PHF20: variants seen among roughly 807,000 people sequenced by gnomAD.
The protein encoded by PHF20 is PHD finger protein 20, also known as glioma-expressed antigen 2.
Under a neutral mutation model 113.5 loss-of-function variants are expected in PHF20, and 23 were observed. The observed-to-expected ratio is 0.20, with a 90% CI of 0.15 to 0.29. The LOEUF (loss-of-function observed/expected upper bound fraction) is 0.29. Ranked by LOEUF, PHF20 falls within the 10% of genes least tolerant of loss-of-function variation. The pLI, the probability that PHF20 is intolerant of heterozygous loss-of-function variation, is 1.00. For missense variants in PHF20, 943 were observed against 1,219.6 expected (o/e 0.77, Z 3.38); for synonymous variants, 434 against 457.3 (o/e 0.95, Z 0.65).
chr20:35,906,914 G>C (rs1444808888), intron 10 of PHF20, among the ~76,000 whole-genome samples: 1 of 152,128 alleles, frequency 6.6e-6, no homozygotes, highest in Non-Finnish European at 1.5e-5. Flanking sequence ...ATCTGGGTGG[G>C]ACTCATGGTA....
At chr20:35,772,137 T>TGCGC (rs1476694953) in intron 1 of PHF20, 58 bp downstream of exon 1, 1 of 149,430 alleles carries the variant, frequency 6.7e-6, no homozygotes, top group Non-Finnish European at 1.5e-5. Context: ...GGGCCCGCGC[T>TGCGC]GCGCGCGCGC....
intron 2 of PHF20, among the ~76,000 whole-genome samples, chr20:35,838,711 G>A (rs1450253023): frequency 6.6e-6 from 1 of 152,008 alleles, no homozygotes; most frequent in African/African-American, 2.4e-5. Context: ...ATTTCAAGCG[G>A]GACGTGGTGG....
Position 35,950,100 on chromosome 20 carries a change from A to G in PHF20, c.*2473A>G, listed in dbSNP as rs1025781327. ...AAGAAAGAAATATGTGCACTACCTA[A>G]GTTTTGTCTTTAGAAAAACTATCCA... is the stretch of plus-strand genomic sequence containing the variant. On this transcript the variant is annotated 3_prime_UTR_variant, in exon 18 of 18. Coordinates refer to ENST00000374012, the MANE Select transcript of PHF20 (RefSeq NM_016436.5). 6.5e-6 allele frequency: 1 copy of G among 152,756 alleles called. No individual in the cohort carries two copies. The highest frequency in any genetic ancestry group is 1.9e-4 in the East Asian group (1 of 5,190). 9.5% of individuals were successfully genotyped at this position (152,756 alleles called of 1,614,324 possible).
intron 4 of PHF20, 148 bp from the exon 5 acceptor site, chr20:35,858,154 C>T (rs1364169665): frequency 2.4e-6 from 1 of 419,966 alleles, no homozygotes. Flanking sequence ...TTATCTTGGA[C>T]ATAAGTAAGA....
At chr20:35,791,952 C>T (rs1362316769) in intron 1 of PHF20, among the ~76,000 whole-genome samples, 1 of 152,062 alleles carries the variant, frequency 6.6e-6, no homozygotes, top group Non-Finnish European at 1.5e-5. Context: ...GAGTAATATG[C>T]GAAAGGTCAT....
At chr20:35,832,426 G>A (rs2042370912) in intron 2 of PHF20, among the ~76,000 whole-genome samples, 1 of 152,184 alleles carries the variant, frequency 6.6e-6, no homozygotes, top group Non-Finnish European at 1.5e-5. Flanking sequence ...GCCTCTAGCA[G>A]TGCCTGTTGT....
intron 1 of PHF20, among the ~76,000 whole-genome samples, chr20:35,790,568 A>G (rs1389565783): frequency 6.6e-6 from 1 of 152,092 alleles, no homozygotes. Flanking sequence ...TGATATCCTC[A>G]TTTTACAGAT....
At chr20:35,772,951 G>A (rs893408912) in intron 1 of PHF20, among the ~76,000 whole-genome samples, 13 of 152,098 alleles carry the variant, frequency 8.5e-5, no homozygotes, top group South Asian at 2.1e-4. Flanking sequence ...CTGAGGTTGG[G>A]CCGAAAACAA....
In PHF20 at chr20:35,950,199, T is replaced by C. The variant is rs992146002; in HGVS notation, c.*2572T>C. The C allele has an allele frequency of 6.5e-6, 1 of 152,712 alleles. No individual in the cohort carries two copies. The highest frequency in any genetic ancestry group is 2.4e-5 in the African/African-American group (1 of 41,482). 9.5% of individuals were successfully genotyped at this position (152,712 alleles called of 1,614,324 possible). A position where few individuals can be genotyped will look rare whatever the true frequency, so the allele number is the denominator to read the frequency against. ...TTTGTTTCTTTAAGTGGTAAGTGTA[T>C]GCAAGGTGGATCCTTGATGAGCCAA... On this transcript the variant is annotated 3_prime_UTR_variant, in exon 18 of 18. Transcript: ENST00000374012.
At chr20:35,784,044 C>T (rs62211714) in intron 1 of PHF20, among the ~76,000 whole-genome samples, 2,341 of 151,266 alleles carry the variant, frequency 0.015, 29 homozygotes, top group Non-Finnish European at 0.023. Flanking sequence ...CCCGCCCTTA[C>T]GTTTGTTTGT....
At chr20:35,826,435 G>A (rs2042263151) in intron 2 of PHF20, among the ~76,000 whole-genome samples, 1 of 152,182 alleles carries the variant, frequency 6.6e-6, no homozygotes, top group East Asian at 1.9e-4. Flanking sequence ...AGAATGTGGA[G>A]TCTGAAATAA....
intron 1 of PHF20, among the ~76,000 whole-genome samples, chr20:35,789,872 T>A (rs369389646): frequency 2.7e-5 from 3 of 112,790 alleles, no homozygotes; most frequent in Non-Finnish European, 5.2e-5. Context: ...CCTTTTTTTT[T>A]ATACACAGTT....
chr20:35,820,928 A>C (rs2042157593), intron 2 of PHF20, among the ~76,000 whole-genome samples: 1 of 152,054 alleles, frequency 6.6e-6, no homozygotes, highest in Non-Finnish European at 1.5e-5. Flanking sequence ...GAGGCAGCCA[A>C]GGCAGAAGCC....
intron 1 of PHF20, among the ~76,000 whole-genome samples, chr20:35,776,794 A>G (rs945418471): frequency 6.6e-6 from 1 of 152,124 alleles, no homozygotes; most frequent in South Asian, 2.1e-4. Flanking sequence ...TTACTGTGAG[A>G]CCTCAGGCAA....
chr20:35,876,758 G>A (rs1600861813), intron 9 of PHF20, among the ~76,000 whole-genome samples: 1 of 149,980 alleles, frequency 6.7e-6, no homozygotes, highest in Non-Finnish European at 1.5e-5. Context: ...ATCACCTGAC[G>A]TCAGGAGTTA....
At position 35,925,366 on chromosome 20, in the gene PHF20, T is replaced by G. The variant is rs534636731; in HGVS notation, c.2005-2414T>G. Among the ~76,000 whole-genome samples the G allele has an allele frequency of 6.6e-5, 10 of 152,038 alleles. No individual in the cohort carries two copies. The East Asian group carries it at 1.9e-3, about 29-fold the overall frequency. Reference sequence around the variant, plus strand: ...CCTCCGCCTCCTAGGTTCAAGCAATTTTGAACCTGCTTCAGCCTCCCAAGT... The same window carrying G: ...CCTCCGCCTCCTAGGTTCAAGCAATGTTGAACCTGCTTCAGCCTCCCAAGT... On this transcript the variant is annotated intron_variant, in intron 13 of 17. Coordinates refer to ENST00000374012, the MANE Select transcript of PHF20 (RefSeq NM_016436.5).
intron 2 of PHF20, among the ~76,000 whole-genome samples, chr20:35,831,216 G>A (rs1217847200): frequency 1.3e-5 from 2 of 149,692 alleles, no homozygotes; most frequent in Admixed American, 1.3e-4. Flanking sequence ...GTGGAGTTCA[G>A]TAGTGCGATC....
intron 9 of PHF20, among the ~76,000 whole-genome samples, chr20:35,879,314 C>T (rs1325897019): frequency 6.6e-6 from 1 of 152,122 alleles, no homozygotes; most frequent in African/African-American, 2.4e-5. Flanking sequence ...ATTAAAGAAT[C>T]ACAATTGTAA....
At chr20:35,796,551 C>G (rs1380710959) in intron 1 of PHF20, among the ~76,000 whole-genome samples, 2 of 152,074 alleles carry the variant, frequency 1.3e-5, no homozygotes, top group East Asian at 3.8e-4. Flanking sequence ...AGGAGGTGTT[C>G]TAGTGTACCT....
Sources: gnomAD v4.1 joint callset for allele counts (sites outside exome capture counted in the v4.1 genomes callset) on GRCh38, gnomAD v4.1.1 for gene constraint, MANE v1.5 for transcripts, NCBI Gene and HGNC (gene_info 2026-07-23, HGNC 2026-07-21) for gene names.